Variants in MKLN1 observed in about 807,000 individuals in gnomAD.
MKLN1 encodes muskelin.
A neutral mutation model predicts 99.0 loss-of-function variants in MKLN1; 18 were observed. The ratio of observed to expected loss-of-function variants is 0.18; its 90% CI spans 0.13 to 0.27. MKLN1 has a LOEUF of 0.27. Among genes scored for constraint, MKLN1 ranks in the 10% least tolerant of loss-of-function variants. MKLN1 has a pLI of 1.00. For synonymous variants in MKLN1, 288 were observed against 293.2 expected, an observed-to-expected ratio of 0.98 and a Z score of 0.18; for missense variants, 621 against 875.9, an observed-to-expected ratio of 0.71 and a Z score of 3.67.
intron 1 of MKLN1, among the ~76,000 whole-genome samples, chr7:131,356,593 T>G (rs911244722): frequency 3.9e-5 from 6 of 152,168 alleles, no homozygotes; most frequent in African/African-American, 1.4e-4. Context: ...CATGAGTTGT[T>G]GAAAGCGATA....
At chr7:131,130,259 G>A (rs961078159) in intron 1 of MKLN1, among the ~76,000 whole-genome samples, 3 of 152,204 alleles carry the variant, frequency 2.0e-5, no homozygotes, top group African/African-American at 7.2e-5. Flanking sequence ...AATACCATAT[G>A]CCTAGGGTTG....
intron 1 of MKLN1, among the ~76,000 whole-genome samples, chr7:131,339,351 T>A (rs1237538510): frequency 6.6e-6 from 1 of 152,242 alleles, no homozygotes; most frequent in Non-Finnish European, 1.5e-5. Context: ...GAGATTTTAT[T>A]TTTGGTTTCA....
At chr7:131,225,417 A>G (rs948846576) in intron 3 of MKLN1, among the ~76,000 whole-genome samples, 13 of 152,200 alleles carry the variant, frequency 8.5e-5, no homozygotes, top group African/African-American at 3.1e-4. Context: ...TAGATTTTCA[A>G]TACATGAAAT....
chr7:131,191,208 G>C (rs1291033770), intron 2 of MKLN1, among the ~76,000 whole-genome samples: 1 of 152,250 alleles, frequency 6.6e-6, no homozygotes, highest in Non-Finnish European at 1.5e-5. Flanking sequence ...GATGTTTTCT[G>C]GAGAGATGCT....
chr7:131,285,957 C>CCTTTT (rs397950661), intron 3 of MKLN1, among the ~76,000 whole-genome samples: 2 of 117,770 alleles, frequency 1.7e-5, no homozygotes, highest in Non-Finnish European at 3.7e-5. Context: ...CATCTATGGA[C>CCTTTT]TTTTTTTTTT....
intron 1 of MKLN1, among the ~76,000 whole-genome samples, chr7:131,372,075 G>T (rs931345955): frequency 1.3e-5 from 2 of 151,264 alleles, no homozygotes; most frequent in African/African-American, 2.4e-5. Flanking sequence ...TTCTTTCCTA[G>T]GAACTGTGAA....
chr7:131,368,630 C>G (rs1800251751), intron 1 of MKLN1, among the ~76,000 whole-genome samples: 1 of 152,116 alleles, frequency 6.6e-6, no homozygotes, highest in Admixed American at 6.5e-5. Context: ...TTGACAAGAA[C>G]AGCATGGGGG....
chr7:131,156,695 C>A (rs1452723269), intron 2 of MKLN1, among the ~76,000 whole-genome samples: 1 of 152,130 alleles, frequency 6.6e-6, no homozygotes, highest in Non-Finnish European at 1.5e-5. Flanking sequence ...CCGCGATGTG[C>A]AGTAGGTTAA....
intron 3 of MKLN1, among the ~76,000 whole-genome samples, chr7:131,247,618 G>A (rs191039729): frequency 7.2e-5 from 11 of 152,134 alleles, no homozygotes; most frequent in Admixed American, 3.3e-4. Flanking sequence ...CACTTCCACC[G>A]CTCCTAAATG....
At chr7:131,310,539 A>C (rs1388430700) in intron 3 of MKLN1, 1 of 152,226 alleles carries the variant, frequency 6.6e-6, no homozygotes, top group Non-Finnish European at 1.5e-5. Context: ...AGAGATACAC[A>C]GCGGAAATAT....
rs574652554 is a variant in MKLN1, at chr7:131,264,424, T to C, written c.-179+61450T>C. ...GCATCTGTCCTCTATGTTTGATGCT[T>C]ACCTCTTGTCTTTTAGCTACTATAC... is the stretch of plus-strand genomic sequence containing the variant. On this transcript the variant is annotated intron_variant, in intron 3 of 7. Coordinates refer to the MKLN1 transcript ENST00000416992. 3.9e-3 allele frequency among the ~76,000 whole-genome samples: 600 copies of C among 152,344 alleles called. 1 individual carries two copies. Among genetic ancestry groups the C allele is most frequent in the Non-Finnish European group, 6.7e-3 (458 of 68,032 alleles).
At chr7:131,440,963 G>T (rs1387403864) in intron 10 of MKLN1, among the ~76,000 whole-genome samples, 2 of 152,092 alleles carry the variant, frequency 1.3e-5, no homozygotes, top group African/African-American at 4.8e-5. Context: ...ACCTATAAGA[G>T]AACTAAAATG....
Position 131,484,126 on chromosome 7 carries a change from A to G in MKLN1, c.2087-3481A>G, listed in dbSNP as rs111401781. ...CAGTTGTATTCTTATGAAGTGATAC[A>G]TAATTATTCATAATAGGGATCTACC... On this transcript the variant is annotated intron_variant, in intron 17 of 17. Transcript: ENST00000352689. Among the ~76,000 whole-genome samples the G allele has an allele frequency of 3.1e-3, 473 of 152,312 alleles. 1 individual carries two copies. The highest frequency in any genetic ancestry group is 0.011 in the African/African-American group (451 of 41,580).
At chr7:131,215,028 G>A (rs1177571230) in intron 3 of MKLN1, among the ~76,000 whole-genome samples, 1 of 152,168 alleles carries the variant, frequency 6.6e-6, no homozygotes, top group Non-Finnish European at 1.5e-5. Flanking sequence ...GGGTTACAGT[G>A]GAATTTTGTA....
intron 3 of MKLN1, among the ~76,000 whole-genome samples, chr7:131,245,950 G>A (rs1797481023): frequency 6.6e-6 from 1 of 152,210 alleles, no homozygotes; most frequent in African/African-American, 2.4e-5. Context: ...TTTGTTCAAT[G>A]GGCAGATGCG....
chr7:131,137,787 C>A (rs1584784860), intron 1 of MKLN1, among the ~76,000 whole-genome samples: 1 of 152,208 alleles, frequency 6.6e-6, no homozygotes, highest in East Asian at 1.9e-4. Flanking sequence ...GTTGGCCAGG[C>A]TGGTCTTGAA....
rs11482221 is a variant in MKLN1 at position 131,419,252 on chromosome 7, G to GTTTT, written c.847+4555_847+4558dup. On this transcript the variant is annotated intron_variant, in intron 8 of 17. Transcript: ENST00000352689. ...TGTATATATATATATATATATTTTT[G>GTTTT]TTTTTTTTTTTTTTTTGAGACAGAG... Among the ~76,000 whole-genome samples, 68 of 115,512 alleles carry GTTTT rather than the reference G, an allele frequency of 5.9e-4. 2 individuals are homozygous for GTTTT. The highest frequency in any genetic ancestry group is 3.4e-3 in the East Asian group (13 of 3,822). 75.8% of individuals were successfully genotyped at this position (115,512 alleles called of 152,430 possible). A position where few individuals can be genotyped will look rare whatever the true frequency, so the allele number is the denominator to read the frequency against.
At chr7:131,302,327 A>G (rs1411274672) in intron 3 of MKLN1, among the ~76,000 whole-genome samples, 1 of 152,184 alleles carries the variant, frequency 6.6e-6, no homozygotes, top group African/African-American at 2.4e-5. Flanking sequence ...TCCAAGTGGA[A>G]GCAGGGGGAA....
chr7:131,227,435 C>T (rs531419604), intron 3 of MKLN1, among the ~76,000 whole-genome samples: 3 of 144,732 alleles, frequency 2.1e-5, no homozygotes, highest in African/African-American at 7.7e-5. Context: ...CCCTCTTTCT[C>T]TCTTTCTCTC....
Sources: gnomAD v4.1 joint callset for allele counts (sites outside exome capture counted in the v4.1 genomes callset) on GRCh38, gnomAD v4.1.1 for gene constraint, MANE v1.5 for transcripts, NCBI Gene and HGNC (gene_info 2026-07-23, HGNC 2026-07-21) for gene names.